The following RIMS2 variants were observed in gnomAD, a reference collection of about 807,000 sequenced individuals.
The protein encoded by RIMS2 is regulating synaptic membrane exocytosis protein 2.
RIMS2 carries 59 observed loss-of-function variants against 174.4 expected under a neutral mutation model. The observed-to-expected ratio is 0.34, with a 90% CI of 0.27 to 0.42. RIMS2 has a LOEUF of 0.42. Ranked by LOEUF, RIMS2 falls within the 10% of genes least tolerant of loss-of-function variation. RIMS2 has a pLI of 1.00. For synonymous variants in RIMS2, 606 were observed against 572.5 expected, an observed-to-expected ratio of 1.06 and a Z score of -0.84; for missense variants, 1,620 against 1,666.3, an observed-to-expected ratio of 0.97 and a Z score of 0.48.
chr8:103,785,857 C>T (rs868166622), intron 3 of RIMS2, among the ~76,000 whole-genome samples: 27 of 152,310 alleles, frequency 1.8e-4, no homozygotes, highest in South Asian at 2.1e-4. Flanking sequence ...ACCAGTTCCT[C>T]CTTGTATCTC....
At chr8:104,245,135 C>A in intron 20 of RIMS2, 78 bp downstream of exon 26, 1 of 1,427,142 alleles carries the variant, frequency 7.0e-7, no homozygotes, top group Non-Finnish European at 9.7e-7. Flanking sequence ...AGAGATTTTC[C>A]AACTCTCATG....
intron 19 of RIMS2, among the ~76,000 whole-genome samples, chr8:104,235,970 G>C (rs115661090): frequency 6.6e-6 from 1 of 151,728 alleles, no homozygotes; most frequent in South Asian, 2.1e-4. Flanking sequence ...TGGTTGTTAC[G>C]CATAATCTAA....
intron 10 of RIMS2, among the ~76,000 whole-genome samples, chr8:103,924,504 A>G (rs966735820): frequency 1.3e-5 from 2 of 151,590 alleles, no homozygotes; most frequent in African/African-American, 2.4e-5. Flanking sequence ...ACATATATCA[A>G]CCCTAAGGAA....
intron 14 of RIMS2, among the ~76,000 whole-genome samples, chr8:103,952,099 C>A (rs1393353502): frequency 6.6e-6 from 1 of 152,202 alleles, no homozygotes; most frequent in South Asian, 2.1e-4. Flanking sequence ...AGGCAGCAGC[C>A]CCAGTCAGGG....
chr8:103,981,718 C>G (rs1038471554), intron 16 of RIMS2, among the ~76,000 whole-genome samples: 1 of 151,850 alleles, frequency 6.6e-6, no homozygotes, highest in Non-Finnish European at 1.5e-5. Context: ...AGTGGATATT[C>G]TAGTGTTGAA....
intron 19 of RIMS2, among the ~76,000 whole-genome samples, chr8:104,187,654 A>C (rs1389507847): frequency 6.6e-6 from 1 of 151,836 alleles, no homozygotes; most frequent in South Asian, 2.1e-4. Context: ...CATCTTGTTT[A>C]ACTGAAGTTT....
At chr8:104,227,627 T>G in intron 19 of RIMS2, among the ~76,000 whole-genome samples, 1 of 152,202 alleles carries the variant, frequency 6.6e-6, no homozygotes. Flanking sequence ...TTGGGGAATC[T>G]GGTTTATCAG....
intron 3 of RIMS2, among the ~76,000 whole-genome samples, chr8:103,849,237 G>C (rs2098984339): frequency 6.6e-6 from 1 of 152,006 alleles, no homozygotes; most frequent in Non-Finnish European, 1.5e-5. Flanking sequence ...TAGTTGGCCA[G>C]CAAGTAATCC....
chr8:104,108,559 A>C (rs758351595), intron 19 of RIMS2, among the ~76,000 whole-genome samples: 10 of 152,002 alleles, frequency 6.6e-5, no homozygotes, highest in Non-Finnish European at 1.3e-4. Flanking sequence ...TTGGCCCCCC[A>C]GAGTGCTTGG....
chr8:103,610,062 T>C (rs1026634349), intron 1 of RIMS2, among the ~76,000 whole-genome samples: 2 of 152,188 alleles, frequency 1.3e-5, no homozygotes, highest in African/African-American at 4.8e-5. Flanking sequence ...TCATTAGCTG[T>C]ATTCCTAGGC....
In RIMS2 at chr8:103,839,948, T is replaced by A. The variant is rs575094586; in HGVS notation, c.699-45350T>A. Among the ~76,000 whole-genome samples the A allele has an allele frequency of 2.0e-5, 3 of 152,254 alleles. No individual in the cohort carries two copies. In the South Asian group the frequency reaches 6.2e-4, roughly 32 times the overall value. ...TTTTAACACCGGACTGTGTTTCTTATGCTCCATGAAACCAATGCTTTCTGC... is the reference window on the plus strand; with the variant it reads ...TTTTAACACCGGACTGTGTTTCTTAAGCTCCATGAAACCAATGCTTTCTGC... On this transcript the variant is annotated intron_variant, in intron 3 of 23. Transcript: ENST00000504942.
intron 19 of RIMS2, among the ~76,000 whole-genome samples, chr8:104,081,728 T>G (rs2097424022): frequency 6.6e-6 from 1 of 152,084 alleles, no homozygotes. Context: ...TAATCACTTC[T>G]CTATTTCTCA....
At chr8:103,807,956 T>A (rs1412960199) in intron 3 of RIMS2, among the ~76,000 whole-genome samples, 2 of 152,110 alleles carry the variant, frequency 1.3e-5, no homozygotes, top group South Asian at 4.1e-4. Context: ...TTGCATCAGA[T>A]CTTCTGTTTT....
chr8:104,014,818 T>C (rs1227168663), intron 19 of RIMS2, among the ~76,000 whole-genome samples: 2 of 152,188 alleles, frequency 1.3e-5, no homozygotes, highest in Non-Finnish European at 2.9e-5. Flanking sequence ...GGTATCTTTA[T>C]TGCTCTTGCA....
At chr8:103,677,959 G>A (rs1255657079) in intron 1 of RIMS2, among the ~76,000 whole-genome samples, 1 of 152,164 alleles carries the variant, frequency 6.6e-6, no homozygotes, top group Non-Finnish European at 1.5e-5. Flanking sequence ...CTGAAACTCA[G>A]TGATAGTTAC....
chr8:103,949,327 A>T (rs1398251217), intron 14 of RIMS2, among the ~76,000 whole-genome samples: 1 of 152,148 alleles, frequency 6.6e-6, no homozygotes, highest in Non-Finnish European at 1.5e-5. Context: ...TTTACAAAAC[A>T]TTCTACAAGT....
chr8:103,550,386 T>TA (rs1308211768), intron 1 of RIMS2, among the ~76,000 whole-genome samples: 2 of 152,094 alleles, frequency 1.3e-5, no homozygotes, highest in Admixed American at 1.3e-4. Context: ...AAGGCAGAAA[T>TA]AAAGATGTTT....
At chr8:103,747,286 C>A (rs1424938160) in intron 2 of RIMS2, among the ~76,000 whole-genome samples, 1 of 137,884 alleles carries the variant, frequency 7.3e-6, no homozygotes, top group Non-Finnish European at 1.5e-5. Context: ...TGATCCCCTT[C>A]CTGTGTCCAA....
intron 3 of RIMS2, among the ~76,000 whole-genome samples, chr8:103,865,083 A>T (rs916152538): frequency 6.6e-6 from 1 of 152,006 alleles, no homozygotes; most frequent in Non-Finnish European, 1.5e-5. Context: ...TACATCATAT[A>T]CTTGAATAAA....
Sources: allele counts gnomAD v4.1 joint callset (sites outside exome capture counted in the v4.1 genomes callset), GRCh38; gene constraint gnomAD v4.1.1; transcripts MANE v1.5; gene names NCBI Gene and HGNC (gene_info 2026-07-23, HGNC 2026-07-21).